Variants in GRIN3A observed in about 807,000 individuals in gnomAD.
GRIN3A encodes glutamate receptor ionotropic, NMDA 3A.
A neutral mutation model predicts 92.4 loss-of-function variants in GRIN3A; 47 were observed. The ratio of observed to expected loss-of-function variants is 0.51; its 90% CI spans 0.40 to 0.65. GRIN3A has a LOEUF of 0.65. Ranked by LOEUF, GRIN3A falls within the 30% of genes least tolerant of loss-of-function variation. The pLI, the probability that GRIN3A is intolerant of heterozygous loss-of-function variation, is 0.00. For synonymous variants in GRIN3A, 527 were observed against 540.6 expected (o/e 0.97, Z 0.35); for missense variants, 1,324 against 1,393.1 (o/e 0.95, Z 0.79).
chr9:101,683,712 G>A (rs564042655), intron 2 of GRIN3A, among the ~76,000 whole-genome samples: 5 of 152,106 alleles, frequency 3.3e-5, no homozygotes, highest in Admixed American at 2.6e-4. Flanking sequence ...TCACTGACCC[G>A]GTGTAAATTA....
chr9:101,633,201 A>G (rs1328163929), intron 3 of GRIN3A, among the ~76,000 whole-genome samples: 1 of 152,146 alleles, frequency 6.6e-6, no homozygotes, highest in East Asian at 1.9e-4. Flanking sequence ...TGCTGAGTAT[A>G]CTCATTTAAG....
intron 6 of GRIN3A, among the ~76,000 whole-genome samples, chr9:101,590,073 C>T (rs188380215): frequency 1.3e-5 from 2 of 152,108 alleles, no homozygotes; most frequent in Admixed American, 1.3e-4. Context: ...GAACAAACAC[C>T]ATGTAAAACC....
chr9:101,726,220 G>A (rs1564153620), intron 1 of GRIN3A, among the ~76,000 whole-genome samples: 1 of 152,160 alleles, frequency 6.6e-6, no homozygotes, highest in Non-Finnish European at 1.5e-5. Flanking sequence ...AGAGATATAA[G>A]AAATGTAGTC....
chr9:101,692,705 C>A (rs1419945492), intron 1 of GRIN3A, among the ~76,000 whole-genome samples: 1 of 152,196 alleles, frequency 6.6e-6, no homozygotes, highest in Non-Finnish European at 1.5e-5. Flanking sequence ...AGGCTTTCTA[C>A]ACAGCTATCG....
chr9:101,696,448 G>A (rs1420082406), intron 1 of GRIN3A, among the ~76,000 whole-genome samples: 3 of 152,142 alleles, frequency 2.0e-5, no homozygotes, highest in African/African-American at 7.2e-5. Flanking sequence ...ATCATAAAGA[G>A]TAAGATTATT....
In GRIN3A at chr9:101,571,002, G is replaced by A. The variant is rs1033274361; in HGVS notation, c.*2172C>T. On this transcript the variant is annotated 3_prime_UTR_variant, in exon 9 of 9. Transcript: ENST00000361820. ...CCTTCCGGGCTGCACAGAGGTTCAG[G>A]GGCACGCAGAGCATGGTGGCAGAGT... 1 of 152,402 alleles carries A rather than the reference G, an allele frequency of 6.6e-6. No homozygotes were observed. The highest frequency in any genetic ancestry group is 1.5e-5 in the Non-Finnish European group (1 of 68,070). 9.4% of individuals were successfully genotyped at this position (152,402 alleles called of 1,614,324 possible).
intron 6 of GRIN3A, among the ~76,000 whole-genome samples, chr9:101,607,319 T>G (rs1828300130): frequency 6.6e-6 from 1 of 152,174 alleles, no homozygotes; most frequent in Non-Finnish European, 1.5e-5. Context: ...ATTCTATTAC[T>G]AGGTCACCAT....
chr9:101,718,863 A>G (rs960970682), intron 1 of GRIN3A, among the ~76,000 whole-genome samples: 3 of 152,144 alleles, frequency 2.0e-5, no homozygotes, highest in African/African-American at 7.2e-5. Context: ...TTGTGTATTT[A>G]TTTTTATAGT....
At chr9:101,678,984 A>T (rs1379032186) in intron 2 of GRIN3A, among the ~76,000 whole-genome samples, 5 of 152,136 alleles carry the variant, frequency 3.3e-5, no homozygotes, top group Non-Finnish European at 7.4e-5. Context: ...CTAGCCCTTG[A>T]ACTGTTCCTG....
chr9:101,585,164 C>T (rs1045697240), intron 6 of GRIN3A, among the ~76,000 whole-genome samples: 25 of 152,288 alleles, frequency 1.6e-4, no homozygotes, highest in African/African-American at 4.1e-4. Context: ...CCAAATCTAA[C>T]GGTCAGTTTT....
At chr9:101,646,561 A>G (rs1277089197) in intron 3 of GRIN3A, among the ~76,000 whole-genome samples, 5 of 151,864 alleles carry the variant, frequency 3.3e-5, no homozygotes, top group African/African-American at 9.7e-5. Context: ...GAAGAATATC[A>G]TTTGTATTTT....
intron 1 of GRIN3A, among the ~76,000 whole-genome samples, chr9:101,690,882 A>G (rs1238900512): frequency 6.6e-6 from 1 of 152,158 alleles, no homozygotes; most frequent in East Asian, 1.9e-4. Flanking sequence ...TAGTTAGAAA[A>G]ATAACAATTA....
chr9:101,636,411 C>T (rs72745360), intron 3 of GRIN3A, among the ~76,000 whole-genome samples: 3 of 152,102 alleles, frequency 2.0e-5, no homozygotes, highest in Admixed American at 6.6e-5. Context: ...TGAATGCTCA[C>T]GGCATCCTTT....
chr9:101,599,849 T>C (rs780375791), intron 6 of GRIN3A, among the ~76,000 whole-genome samples: 12 of 152,140 alleles, frequency 7.9e-5, no homozygotes, highest in Non-Finnish European at 1.8e-4. Flanking sequence ...TGACATTTGG[T>C]TGGAAGCTCT....
At chr9:101,605,909 G>T (rs756876268) in intron 6 of GRIN3A, among the ~76,000 whole-genome samples, 2 of 152,180 alleles carry the variant, frequency 1.3e-5, no homozygotes, top group African/African-American at 2.4e-5. Context: ...CCTGGATTCA[G>T]CAAGAAAATC....
At chr9:101,590,366 T>C (rs1438687007) in intron 6 of GRIN3A, among the ~76,000 whole-genome samples, 1 of 132,472 alleles carries the variant, frequency 7.5e-6, no homozygotes, top group African/African-American at 2.7e-5. Flanking sequence ...ATTTATTTAT[T>C]TATTTATTTA....
chr9:101,687,953 G>T (rs6415854), intron 1 of GRIN3A, among the ~76,000 whole-genome samples: 22,989 of 152,136 alleles, frequency 0.15, 2,810 homozygotes, highest in African/African-American at 0.34. Context: ...TCACAAATTA[G>T]CAGTCATATA....
rs1044526523 is a variant in GRIN3A at position 101,728,015 on chromosome 9, G to A, written c.699+9266C>T. Among the ~76,000 whole-genome samples the A allele has an allele frequency of 2.2e-3, 332 of 148,420 alleles. 4 individuals are homozygous for A. The highest frequency in any genetic ancestry group is 6.9e-4 in the Non-Finnish European group (46 of 66,658). ...ATAACATCTCTCTGTGTGTGGATCT[G>A]TGTATATATTTGCTCCCATTATTAC... On this transcript the variant is annotated intron_variant, in intron 1 of 8. Coordinates refer to ENST00000361820, the MANE Select transcript of GRIN3A (RefSeq NM_133445.3).
chr9:101,702,842 C>T (rs1023673859), intron 1 of GRIN3A, among the ~76,000 whole-genome samples: 25 of 152,212 alleles, frequency 1.6e-4, no homozygotes, highest in African/African-American at 5.5e-4. Flanking sequence ...ACTGCACCAT[C>T]ACTCACACCA....
Sources: allele counts gnomAD v4.1 joint callset (sites outside exome capture counted in the v4.1 genomes callset), GRCh38; gene constraint gnomAD v4.1.1; transcripts MANE v1.5; gene names NCBI Gene and HGNC (gene_info 2026-07-23, HGNC 2026-07-21).